RAB15: variants seen among roughly 807,000 people sequenced by gnomAD.
The protein encoded by RAB15 is RAB15, member RAS oncogene family.
A neutral mutation model predicts 31.8 loss-of-function variants in RAB15; 13 were observed. The observed-to-expected ratio is 0.41, with a 90% CI of 0.27 to 0.65. The LOEUF (loss-of-function observed/expected upper bound fraction) is 0.65. RAB15 is among the 30% of genes least tolerant of loss of function. RAB15 has a pLI of 0.32. For synonymous variants in RAB15, 100 were observed against 105.6 expected, an observed-to-expected ratio of 0.95 and a Z score of 0.33; for missense variants, 220 against 277.3, an observed-to-expected ratio of 0.79 and a Z score of 1.47.
In RAB15 at chr14:64,954,563, A is replaced by T. The variant is rs1409403739; in HGVS notation, c.125-1992T>A. The T allele has an allele frequency of 2.1e-6, 2 of 971,932 alleles. No homozygotes were observed. The highest frequency in any genetic ancestry group is 2.4e-6 in the Non-Finnish European group (2 of 817,588). The allele number at this position is 971,932 out of a possible 1,614,324, so 60.2% of individuals were successfully genotyped here. On this transcript the variant is annotated intron_variant, in intron 1 of 6. Transcript: ENST00000533601. This position sits in a 1 kb window ranked among gnomAD's most constrained non-coding sequence, Gnocchi z 4.3. Reference sequence around the variant, plus strand: ...CTTTATCCCACAAACATTTATGGGAACTTCCTATGTGCCCTGCACAGTGCT... The same window carrying T: ...CTTTATCCCACAAACATTTATGGGATCTTCCTATGTGCCCTGCACAGTGCT...
intron 1 of RAB15, among the ~76,000 whole-genome samples, chr14:64,959,171 T>C (rs2139986406): frequency 6.6e-6 from 1 of 152,320 alleles, no homozygotes; most frequent in Non-Finnish European, 1.5e-5. Context: ...ACATGCTGAC[T>C]GCAGTTGGGG....
chr14:64,947,505 T>A lies in RAB15; in HGVS notation c.*849A>T, dbSNP rs1242643031. On this transcript the variant is annotated 3_prime_UTR_variant, in exon 7 of 7. Coordinates refer to ENST00000533601, the MANE Select transcript of RAB15 (RefSeq NM_001308154.2). This position sits in a 1 kb window ranked among gnomAD's most constrained non-coding sequence, Gnocchi z 5.6. ...GAGGTAGAGAATGGAGGTGACTTTT[T>A]ATCCCTGCCACCCCTCATTTTGTTT... The A allele has an allele frequency of 2.0e-5, 3 of 152,690 alleles. No homozygotes were observed. Among genetic ancestry groups the A allele is most frequent in the Non-Finnish European group, 4.4e-5 (3 of 68,088 alleles). 9.5% of individuals were successfully genotyped at this position (152,690 alleles called of 1,614,324 possible).
intron 1 of RAB15, among the ~76,000 whole-genome samples, chr14:64,969,813 C>T (rs774389706): frequency 3.3e-5 from 5 of 152,108 alleles, no homozygotes; most frequent in Admixed American, 6.5e-5. Flanking sequence ...TTAGTGTTCA[C>T]CTATTAGCAG....
intron 1 of RAB15, among the ~76,000 whole-genome samples, chr14:64,966,502 G>A (rs1270457376): frequency 3.3e-5 from 5 of 150,556 alleles, no homozygotes; most frequent in African/African-American, 9.8e-5. Flanking sequence ...CAGCCTGGGC[G>A]ACAGAGAGAT....
rs968531809 is a variant in RAB15 at position 64,971,380 on chromosome 14, G to A, written c.124+573C>T. Reference sequence around the variant, plus strand: ...GATGTCTCCTCTTCCCAGGCGCAGGGGCTCCTCACCCTATCTGTGTCCTCC... The same window carrying A: ...GATGTCTCCTCTTCCCAGGCGCAGGAGCTCCTCACCCTATCTGTGTCCTCC... On this transcript the variant is annotated intron_variant, in intron 1 of 6. Coordinates refer to ENST00000533601, the MANE Select transcript of RAB15 (RefSeq NM_001308154.2). This position sits in a 1 kb window ranked among gnomAD's most constrained non-coding sequence, Gnocchi z 4.1. 2.6e-5 allele frequency among the ~76,000 whole-genome samples: 4 copies of A among 152,076 alleles called. No individual in the cohort carries two copies. Among genetic ancestry groups the A allele is most frequent in the Admixed American group, 6.5e-5 (1 of 15,276 alleles).
At position 64,945,916 on chromosome 14, in the gene RAB15, C is replaced by G. The variant is rs1230179097; in HGVS notation, c.*2438G>C. 2 of 152,658 alleles carry G rather than the reference C, an allele frequency of 1.3e-5. No individual in the cohort carries two copies. The highest frequency in any genetic ancestry group is 2.9e-5 in the Non-Finnish European group (2 of 68,070). 9.5% of individuals were successfully genotyped at this position (152,658 alleles called of 1,614,324 possible). On this transcript the variant is annotated 3_prime_UTR_variant, in exon 7 of 7. Coordinates refer to ENST00000533601, the MANE Select transcript of RAB15 (RefSeq NM_001308154.2). ...CCCGAGACACAGTACACGAAGTTCA[C>G]CCGTCACAGGGAGATAGTGGAGGCT...
In RAB15 at chr14:64,950,614, A is replaced by G. The variant is rs1263255134; in HGVS notation, c.325-200T>C. ...TCACGGGGAGAGCTTAGGGTAGAAG[A>G]CACTCTGGCTAAGACTGGTGCTTCC... On this transcript the variant is annotated intron_variant, in intron 4 of 6. Transcript: ENST00000533601. The surrounding 1 kb of genome is among the most constrained non-coding windows in gnomAD (Gnocchi z 5.6). The G allele has an allele frequency of 8.1e-6, 5 of 620,792 alleles. 1 individual carries two copies. The highest frequency in any genetic ancestry group is 1.4e-5 in the Non-Finnish European group (5 of 348,382). 38.5% of individuals were successfully genotyped at this position (620,792 alleles called of 1,614,324 possible).
At chr14:64,959,038 C>T (rs909071058) in intron 1 of RAB15, among the ~76,000 whole-genome samples, 2 of 152,192 alleles carry the variant, frequency 1.3e-5, no homozygotes, top group African/African-American at 4.8e-5. Context: ...GGCAAGGGAG[C>T]TTAGCTAAGC....
chr14:64,961,865 A>T (rs1335813099), intron 1 of RAB15, among the ~76,000 whole-genome samples: 2 of 151,338 alleles, frequency 1.3e-5, no homozygotes, highest in African/African-American at 4.9e-5. Flanking sequence ...CAATGAGCTG[A>T]GATCACACCA....
chr14:64,948,160 A>T lies in RAB15; in HGVS notation c.*194T>A. On this transcript the variant is annotated 3_prime_UTR_variant, in exon 7 of 7. Transcript: ENST00000533601. The surrounding 1 kb of genome is among the most constrained non-coding windows in gnomAD (Gnocchi z 7.0). The stretch of plus-strand genomic sequence containing the variant: ...GCTGAAGAAGACCACTCCAGGGTGG[A>T]CGGGCTGGGGACAGGGGCTGCTTGA... 1 of 553,322 alleles carries T rather than the reference A, an allele frequency of 1.8e-6. No homozygotes were observed. The highest frequency in any genetic ancestry group is 3.0e-6 in the Non-Finnish European group (1 of 328,816). 34.3% of individuals were successfully genotyped at this position (553,322 alleles called of 1,614,324 possible).
In RAB15 at chr14:64,968,976, C is replaced by G. The variant is rs1157659429; in HGVS notation, c.124+2977G>C. ...GGTTCTTCTCTAGAAGATCGCAGGC[C>G]GTTAAAGTGGAGTACACAGTAAATC... is the stretch of plus-strand genomic sequence containing the variant. On this transcript the variant is annotated intron_variant, in intron 1 of 6. Coordinates refer to ENST00000533601, the MANE Select transcript of RAB15 (RefSeq NM_001308154.2). This position sits in a 1 kb window ranked among gnomAD's most constrained non-coding sequence, Gnocchi z 4.9. 1.3e-5 allele frequency among the ~76,000 whole-genome samples: 2 copies of G among 152,156 alleles called. No individual in the cohort carries two copies. The highest frequency in any genetic ancestry group is 2.9e-5 in the Non-Finnish European group (2 of 68,034).
chr14:64,953,539 G>A lies in RAB15; in HGVS notation c.125-968C>T, dbSNP rs1444231096. 6.6e-6 allele frequency among the ~76,000 whole-genome samples: 1 copy of A among 152,188 alleles called. No homozygotes were observed. Among genetic ancestry groups the A allele is most frequent in the Non-Finnish European group, 1.5e-5 (1 of 68,028 alleles). ...CCCACGCTTCTTCATCCAAGGGCTG[G>A]AGGAGCTAAGCTGCCACGAGACACA... On this transcript the variant is annotated intron_variant, in intron 1 of 6. Coordinates refer to ENST00000533601, the MANE Select transcript of RAB15 (RefSeq NM_001308154.2). This position sits in a 1 kb window ranked among gnomAD's most constrained non-coding sequence, Gnocchi z 4.6.
chr14:64,948,331 G>T lies in RAB15; in HGVS notation c.*23C>A. 1 of 1,492,518 alleles carries T rather than the reference G, an allele frequency of 6.7e-7. No individual in the cohort carries two copies. 92.5% of individuals were successfully genotyped at this position (1,492,518 alleles called of 1,614,324 possible). A position where few individuals can be genotyped will look rare whatever the true frequency, so the allele number is the denominator to read the frequency against. ...GGCCTCCTGAGGGAAGAGGGGTGTC[G>T]TGTGGGGTGCCCCACACAGGACTCA... On this transcript the variant is annotated 3_prime_UTR_variant, in exon 7 of 7. Transcript: ENST00000533601. The surrounding 1 kb of genome is among the most constrained non-coding windows in gnomAD (Gnocchi z 7.0).
rs563703183 is a variant in RAB15 at position 64,962,816 on chromosome 14, G to A, written c.124+9137C>T. On this transcript the variant is annotated intron_variant, in intron 1 of 6. Transcript: ENST00000533601. The surrounding 1 kb of genome is among the most constrained non-coding windows in gnomAD (Gnocchi z 4.2). ...AGGTCTTGTGTGGACCCTCACATGT[G>A]CACCTGCATCTGTACTGTTTACTGC... is the stretch of plus-strand genomic sequence containing the variant. 6.6e-5 allele frequency among the ~76,000 whole-genome samples: 10 copies of A among 152,286 alleles called. No individual in the cohort carries two copies. The East Asian group carries it at 1.5e-3, about 23-fold the overall frequency.
In RAB15 at chr14:64,971,530, G is replaced by A. The variant is rs953068418; in HGVS notation, c.124+423C>T. The stretch of plus-strand genomic sequence containing the variant: ...GCCGGCTCCACCTTGGGTCACCACA[G>A]AACCAAGGGCGCCTCAGTGACTCCG... On this transcript the variant is annotated intron_variant, in intron 1 of 6. Coordinates refer to ENST00000533601, the MANE Select transcript of RAB15 (RefSeq NM_001308154.2). This position sits in a 1 kb window ranked among gnomAD's most constrained non-coding sequence, Gnocchi z 4.1. 8.0e-5 allele frequency among the ~76,000 whole-genome samples: 12 copies of A among 150,266 alleles called. No homozygotes were observed. The highest frequency in any genetic ancestry group is 3.0e-4 in the African/African-American group (12 of 40,614).
intron 1 of RAB15, among the ~76,000 whole-genome samples, chr14:64,960,279 G>A (rs1886787233): frequency 6.6e-6 from 1 of 152,212 alleles, no homozygotes; most frequent in African/African-American, 2.4e-5. Flanking sequence ...GGGCAAACAG[G>A]GAAAAACTTG....
Position 64,948,980 on chromosome 14 carries a change from T to C in RAB15, c.415-247A>G, listed in dbSNP as rs1886079398. Among the ~76,000 whole-genome samples the C allele has an allele frequency of 6.6e-6, 1 of 152,236 alleles. No homozygotes were observed. Among genetic ancestry groups the C allele is most frequent in the Admixed American group, 6.5e-5 (1 of 15,286 alleles). ...CCACGCCTCCCAACACACAATCATATATCAGGAGATAAAGACACCATCCAT... is the reference window on the plus strand; with the variant it reads ...CCACGCCTCCCAACACACAATCATACATCAGGAGATAAAGACACCATCCAT... On this transcript the variant is annotated intron_variant, in intron 5 of 6. Transcript: ENST00000533601. This position sits in a 1 kb window ranked among gnomAD's most constrained non-coding sequence, Gnocchi z 7.0.
Position 64,951,583 on chromosome 14 carries a change from C to A in RAB15, c.246+20G>T. 1.2e-6 allele frequency: 2 copies of A among 1,612,028 alleles called. No individual in the cohort carries two copies. The highest frequency in any genetic ancestry group is 1.7e-6 in the Non-Finnish European group (2 of 1,178,034). On this transcript the variant is annotated intron_variant, in intron 3 of 6. Transcript: ENST00000533601. This position sits in a 1 kb window ranked among gnomAD's most constrained non-coding sequence, Gnocchi z 7.2. ...TGGGTGGCAGCTTCCCACTTTGAAA[C>A]CCCCAATGTGGTGGCTTACCTGGGC...
In RAB15 at chr14:64,948,309, C is replaced by T; in HGVS notation, c.*45G>A. The T allele has an allele frequency of 6.9e-7, 1 of 1,452,922 alleles. No homozygotes were observed. The allele number at this position is 1,452,922 out of a possible 1,614,324, so 90.0% of individuals were successfully genotyped here. A position where few individuals can be genotyped will look rare whatever the true frequency, so the allele number is the denominator to read the frequency against. Reference sequence around the variant, plus strand: ...CCGGCTCCCCTGTCTGCCCACGGGCCTCCTGAGGGAAGAGGGGTGTCGTGT... The same window carrying T: ...CCGGCTCCCCTGTCTGCCCACGGGCTTCCTGAGGGAAGAGGGGTGTCGTGT... On this transcript the variant is annotated 3_prime_UTR_variant, in exon 7 of 7. Transcript: ENST00000533601. The surrounding 1 kb of genome is among the most constrained non-coding windows in gnomAD (Gnocchi z 7.0).
Sources: allele counts gnomAD v4.1 joint callset (sites outside exome capture counted in the v4.1 genomes callset), GRCh38; gene constraint gnomAD v4.1.1; non-coding constraint Gnocchi (gnomAD v3.1); transcripts MANE v1.5; gene names NCBI Gene and HGNC (gene_info 2026-07-23, HGNC 2026-07-21).